The following STX8 variants were observed in gnomAD, a reference collection of about 807,000 sequenced individuals.
STX8 encodes syntaxin 8.
A neutral mutation model predicts 37.5 loss-of-function variants in STX8; 23 were observed. The observed-to-expected ratio is 0.61, with a 90% confidence interval of 0.44 to 0.87. The LOEUF is 0.87. Among genes scored for constraint, STX8 ranks in the 40% least tolerant of loss-of-function variants. The pLI, the probability that STX8 is intolerant of heterozygous loss-of-function variation, is 0.00. For missense variants in STX8, 313 were observed against 284.7 expected (o/e 1.10, Z -0.71); for synonymous variants, 115 against 99.1 (o/e 1.16, Z -0.95).
At chr17:9,459,074 C>T (rs886477993) in intron 6 of STX8, among the ~76,000 whole-genome samples, 6 of 152,024 alleles carry the variant, frequency 3.9e-5, no homozygotes, top group East Asian at 1.9e-4. Flanking sequence ...CCTAGTGATC[C>T]GCCTGCCTTG....
chr17:9,334,615 G>A lies in STX8; in HGVS notation c.643+43937C>T, dbSNP rs28410982. On this transcript the variant is annotated intron_variant, in intron 7 of 7. Transcript: ENST00000306357. ...GTATGCAGGATATGATCCCAAAATG[G>A]TTGAAAGGAATAAAAAAGACAATAC... is the stretch of plus-strand genomic sequence containing the variant. Among the ~76,000 whole-genome samples the A allele has an allele frequency of 3.9e-3, 599 of 152,220 alleles. 5 individuals are homozygous for A. Among genetic ancestry groups the A allele is most frequent in the African/African-American group, 0.013 (542 of 41,546 alleles).
At chr17:9,264,775 A>G (rs1248318476) in intron 7 of STX8, among the ~76,000 whole-genome samples, 1 of 152,236 alleles carries the variant, frequency 6.6e-6, no homozygotes, top group South Asian at 2.1e-4. Flanking sequence ...AAAAGCATTT[A>G]AAACAATATG....
chr17:9,562,851 G>GT (rs1334904642), intron 2 of STX8, among the ~76,000 whole-genome samples: 1 of 151,734 alleles, frequency 6.6e-6, no homozygotes. Context: ...TTCACATCAG[G>GT]TTAAAAAAAA....
intron 1 of STX8, among the ~76,000 whole-genome samples, chr17:9,573,038 A>C (rs1324385640): frequency 6.6e-6 from 1 of 151,670 alleles, no homozygotes; most frequent in African/African-American, 2.4e-5. Flanking sequence ...ACTTAGGAAT[A>C]TGTATTGTAA....
chr17:9,380,290 T>C (rs952793347), intron 6 of STX8, among the ~76,000 whole-genome samples: 1 of 147,432 alleles, frequency 6.8e-6, no homozygotes, highest in Non-Finnish European at 1.5e-5. Context: ...AGAGAGGGTC[T>C]TGCTCTGTCA....
chr17:9,366,771 T>C lies in STX8; in HGVS notation c.643+11781A>G, dbSNP rs138783383. ...GCTGCCTTCCCATTTGATTGAGCCC[T>C]CCATGAGGTCAGGGACCAGGACTCC... On this transcript the variant is annotated intron_variant, in intron 7 of 7. Transcript: ENST00000306357. Among the ~76,000 whole-genome samples the C allele has an allele frequency of 1.2e-4, 18 of 152,234 alleles. No homozygotes were observed. In the East Asian group the frequency reaches 3.5e-3, roughly 29 times the overall value.
chr17:9,252,533 C>G (rs1022453270), intron 7 of STX8, among the ~76,000 whole-genome samples: 2 of 147,628 alleles, frequency 1.4e-5, no homozygotes, highest in Non-Finnish European at 3.0e-5. Flanking sequence ...CGTTTGAACA[C>G]GGGAGGCGGA....
chr17:9,516,662 A>G (rs1033549099), intron 4 of STX8, among the ~76,000 whole-genome samples: 2 of 152,060 alleles, frequency 1.3e-5, no homozygotes, highest in Non-Finnish European at 2.9e-5. Flanking sequence ...TTTATGTTCA[A>G]TTTAACATTT....
chr17:9,322,212 C>T (rs576113490), intron 7 of STX8, among the ~76,000 whole-genome samples: 26 of 152,326 alleles, frequency 1.7e-4, no homozygotes, highest in African/African-American at 6.3e-4. Flanking sequence ...GGCGGGTTAG[C>T]GGTCATCTCA....
intron 6 of STX8, among the ~76,000 whole-genome samples, chr17:9,420,373 G>A (rs941877042): frequency 7.2e-5 from 11 of 152,230 alleles, no homozygotes; most frequent in African/African-American, 1.7e-4. Context: ...GCACGACTCC[G>A]CCAAGTTAGC....
intron 3 of STX8, among the ~76,000 whole-genome samples, chr17:9,556,462 G>A (rs1906966573): frequency 6.6e-6 from 1 of 151,830 alleles, no homozygotes; most frequent in Admixed American, 6.6e-5. Flanking sequence ...TATTATTTGA[G>A]ACAGGGTCAC....
intron 7 of STX8, among the ~76,000 whole-genome samples, chr17:9,359,503 A>G (rs75607437): frequency 1.1e-5 from 1 of 91,744 alleles, no homozygotes; most frequent in African/African-American, 4.4e-5. Context: ...GCTGAGACAT[A>G]TTTTTTTTTT....
chr17:9,299,325 T>G (rs959568540), intron 7 of STX8, among the ~76,000 whole-genome samples: 1 of 152,096 alleles, frequency 6.6e-6, no homozygotes, highest in African/African-American at 2.4e-5. Flanking sequence ...TGCTGAGCCT[T>G]ACTGTGTCTG....
chr17:9,337,929 T>C (rs1029623477), intron 7 of STX8, among the ~76,000 whole-genome samples: 1 of 151,820 alleles, frequency 6.6e-6, no homozygotes, highest in Non-Finnish European at 1.5e-5. Context: ...GGGTGCAGTG[T>C]GGCCAACGGG....
At chr17:9,374,080 C>T (rs1439434733) in intron 7 of STX8, among the ~76,000 whole-genome samples, 2 of 148,540 alleles carry the variant, frequency 1.3e-5, no homozygotes, top group Admixed American at 1.3e-4. Flanking sequence ...TATTTTACCA[C>T]AATTAATTTT....
At chr17:9,444,710 T>C (rs1189166021) in intron 6 of STX8, among the ~76,000 whole-genome samples, 1 of 152,224 alleles carries the variant, frequency 6.6e-6, no homozygotes, top group Non-Finnish European at 1.5e-5. Context: ...CATGTATTTT[T>C]TCTTCCTTTT....
chr17:9,569,113 G>A (rs545637102), intron 1 of STX8, among the ~76,000 whole-genome samples: 3 of 152,264 alleles, frequency 2.0e-5, no homozygotes, highest in South Asian at 4.1e-4. Flanking sequence ...CCCAGAGCCG[G>A]GGCTCTTAAC....
chr17:9,268,361 A>T (rs1487316430), intron 7 of STX8, among the ~76,000 whole-genome samples: 2 of 152,202 alleles, frequency 1.3e-5, no homozygotes, highest in Non-Finnish European at 2.9e-5. Context: ...CCTCTTACCA[A>T]AAGTGGCAGC....
At chr17:9,474,419 C>T (rs974213577) in intron 6 of STX8, among the ~76,000 whole-genome samples, 2 of 152,234 alleles carry the variant, frequency 1.3e-5, no homozygotes, top group Middle Eastern at 3.4e-3. Flanking sequence ...GTCACCCAGA[C>T]TGGAGTGCAA....
Sources: gnomAD v4.1 joint callset for allele counts (sites outside exome capture counted in the v4.1 genomes callset) on GRCh38, gnomAD v4.1.1 for gene constraint, MANE v1.5 for transcripts, NCBI Gene and HGNC (gene_info 2026-07-23, HGNC 2026-07-21) for gene names.